CRACDL: variants seen among roughly 807,000 people sequenced by gnomAD.
CRACDL encodes CRACD like, also known as CRACD-like protein.
In CRACDL, 26 loss-of-function variants were observed where a neutral mutation model predicts 70.6. The observed-to-expected ratio is 0.37, with a 90% confidence interval of 0.27 to 0.51. CRACDL has a LOEUF of 0.51. Ranked by LOEUF, CRACDL falls within the 20% of genes least tolerant of loss-of-function variation. CRACDL has a pLI of 0.94. For missense variants in CRACDL, 1,283 were observed against 1,376.9 expected (o/e 0.93, Z 1.08); for synonymous variants, 618 against 615.2 (o/e 1.00, Z -0.07).
chr2:98,896,457 A>T (rs768584628), intron 1 of CRACDL, among the ~76,000 whole-genome samples: 5 of 152,268 alleles, frequency 3.3e-5, no homozygotes, highest in African/African-American at 4.8e-5. Flanking sequence ...TGGCCCAAAA[A>T]AAATCCACCC....
chr2:98,932,724 C>G (rs1709108995), intron 1 of CRACDL, among the ~76,000 whole-genome samples: 1 of 152,190 alleles, frequency 6.6e-6, no homozygotes, highest in Non-Finnish European at 1.5e-5. Context: ...ATAAAAAGGC[C>G]TAGCACACTT....
chr2:98,875,155 T>C (rs1252614414), intron 1 of CRACDL, among the ~76,000 whole-genome samples: 2 of 152,192 alleles, frequency 1.3e-5, no homozygotes, highest in Non-Finnish European at 2.9e-5. Context: ...CCGCCTAAGT[T>C]AAGCACCTCA....
intron 1 of CRACDL, among the ~76,000 whole-genome samples, chr2:98,847,104 C>T (rs1706292669): frequency 6.6e-6 from 1 of 152,216 alleles, no homozygotes; most frequent in African/African-American, 2.4e-5. Flanking sequence ...AAAAGCTTTT[C>T]TCAAATTATA....
rs1247669356 is a variant in CRACDL, at chr2:98,822,646, C to T, written c.1627G>A (p.Glu543Lys). 6.6e-6 allele frequency: 9 copies of T among 1,360,474 alleles called. No homozygotes were observed. Among genetic ancestry groups the T allele is most frequent in the East Asian group, 3.1e-5 (1 of 31,780 alleles). The allele number at this position is 1,360,474 out of a possible 1,614,324, so 84.3% of individuals were successfully genotyped here. A position where few individuals can be genotyped will look rare whatever the true frequency, so the allele number is the denominator to read the frequency against. ...EAAAPERPKA[E>K]RAEAPPAGAE... ...CCCGCCGGTGGCGCCTCGGCTCGCT[C>T]GGCCTTGGGGCGCTCCGGGGCGGCG... Residue 543 changes from glutamate to lysine, a missense_variant, in exon 7 of 10, where the codon GAG (glutamate) becomes AAG (lysine). Transcript: ENST00000397899. This position sits in a 1 kb window ranked among gnomAD's most constrained non-coding sequence, Gnocchi z 4.9.
chr2:98,821,386 T>C (rs961468478), intron 7 of CRACDL, among the ~76,000 whole-genome samples: 9 of 152,184 alleles, frequency 5.9e-5, no homozygotes, highest in African/African-American at 2.2e-4. Context: ...TCTCACTATG[T>C]TGCCCAGGTT....
chr2:98,922,443 AAAAAAAAAAAAAG>A (rs1453629607), intron 1 of CRACDL, among the ~76,000 whole-genome samples: 4 of 151,592 alleles, frequency 2.6e-5, no homozygotes, highest in Non-Finnish European at 5.9e-5. Flanking sequence ...CGTCTCAAAA[AAAAAAAAAAAAAG>A]AAAAAGAAAA....
intron 1 of CRACDL, among the ~76,000 whole-genome samples, chr2:98,862,414 C>A (rs370950179): frequency 6.6e-6 from 1 of 152,138 alleles, no homozygotes; most frequent in East Asian, 1.9e-4. Context: ...AAAGTATGGA[C>A]CATCAAAGGA....
chr2:98,805,016 T>A (rs913522691), intron 7 of CRACDL, among the ~76,000 whole-genome samples: 2 of 152,154 alleles, frequency 1.3e-5, no homozygotes, highest in African/African-American at 4.8e-5. Context: ...TAGACAGGAA[T>A]GATTTTTTTG....
chr2:98,844,376 G>A (rs550254658), intron 2 of CRACDL, among the ~76,000 whole-genome samples: 2 of 152,156 alleles, frequency 1.3e-5, no homozygotes, highest in Admixed American at 1.3e-4. Context: ...GGATGTATTT[G>A]GTAATTCTGA....
chr2:98,924,343 G>A (rs1276860671), intron 1 of CRACDL, among the ~76,000 whole-genome samples: 1 of 152,170 alleles, frequency 6.6e-6, no homozygotes, highest in Admixed American at 6.5e-5. Context: ...TCCTGGGCTG[G>A]GGACAAGCAA....
chr2:98,857,868 T>C (rs1489563775), intron 1 of CRACDL, among the ~76,000 whole-genome samples: 1 of 152,224 alleles, frequency 6.6e-6, no homozygotes, highest in Non-Finnish European at 1.5e-5. Context: ...TATATATGCA[T>C]ATCTATCTTA....
chr2:98,803,194 G>A (rs2104412889), intron 7 of CRACDL, among the ~76,000 whole-genome samples: 1 of 152,152 alleles, frequency 6.6e-6, no homozygotes, highest in South Asian at 2.1e-4. Context: ...TAGAGACGGG[G>A]TTTCACCATG....
chr2:98,877,358 G>A (rs1707512083), intron 1 of CRACDL, among the ~76,000 whole-genome samples: 1 of 152,194 alleles, frequency 6.6e-6, no homozygotes, highest in Non-Finnish European at 1.5e-5. Context: ...ATGATGAAAA[G>A]CATACATGAC....
rs1705583203 is a variant in CRACDL, at chr2:98,832,459, A to G, written c.429T>C (p.Leu143=). ...KMGPPPPPGG[L]PAKRGEDAGM... is the part of the protein sequence containing the mutation. ...CGGCATCCTCTCCCCGCTTGGCAGG[A>G]AGCCCCCCTGGAGGAGGTGGTGGCC... Residue 143 remains leucine, a synonymous_variant, in exon 5 of 10, where the codon CTT becomes CTC. Transcript: ENST00000397899. The G allele has an allele frequency of 6.2e-7, 1 of 1,613,718 alleles. No individual in the cohort carries two copies. The highest frequency in any genetic ancestry group is 1.7e-5 in the Admixed American group (1 of 59,996).
At chr2:98,877,375 C>T (rs534560121) in intron 1 of CRACDL, among the ~76,000 whole-genome samples, 1 of 152,310 alleles carries the variant, frequency 6.6e-6, no homozygotes, top group Admixed American at 6.5e-5. Context: ...TGACAGTGAT[C>T]CTAGAAGATT....
intron 2 of CRACDL, among the ~76,000 whole-genome samples, chr2:98,844,600 T>C (rs1158674349): frequency 6.6e-6 from 1 of 152,214 alleles, no homozygotes. Context: ...ACATCTGCAA[T>C]AACCCAGTCT....
intron 1 of CRACDL, among the ~76,000 whole-genome samples, chr2:98,894,523 C>T (rs766430835): frequency 6.6e-6 from 1 of 152,104 alleles, no homozygotes; most frequent in Non-Finnish European, 1.5e-5. Flanking sequence ...CCCTCCTGGC[C>T]CAGCACTGGT....
chr2:98,918,820 A>C (rs1708731766), intron 1 of CRACDL, among the ~76,000 whole-genome samples: 2 of 152,168 alleles, frequency 1.3e-5, no homozygotes, highest in South Asian at 4.1e-4. Flanking sequence ...GTTCCTGGTA[A>C]ATTCTGGATA....
At chr2:98,845,171 AT>A (rs1166577072) in intron 2 of CRACDL, among the ~76,000 whole-genome samples, 2 of 148,386 alleles carry the variant, frequency 1.3e-5, no homozygotes, top group Non-Finnish European at 3.0e-5. Flanking sequence ...CCAGGTTGCC[AT>A]TTTCCTTTTC....
Sources: allele counts gnomAD v4.1 joint callset (sites outside exome capture counted in the v4.1 genomes callset), GRCh38; gene constraint gnomAD v4.1.1; non-coding constraint Gnocchi (gnomAD v3.1); transcripts MANE v1.5; gene names NCBI Gene and HGNC (gene_info 2026-07-23, HGNC 2026-07-21).